The following CACNA1B variants were observed in gnomAD, a reference collection of about 807,000 sequenced individuals.
CACNA1B encodes calcium voltage-gated channel subunit alpha1 B, also known as voltage-dependent N-type calcium channel subunit alpha-1B.
A neutral mutation model predicts 247.2 loss-of-function variants in CACNA1B; 70 were observed. The ratio of observed to expected loss-of-function variants is 0.28; its 90% confidence interval spans 0.23 to 0.35. The LOEUF (loss-of-function observed/expected upper bound fraction) is 0.35. Among genes scored for constraint, CACNA1B ranks in the 10% least tolerant of loss-of-function variants. The pLI, the probability that CACNA1B is intolerant of heterozygous loss-of-function variation, is 1.00. For synonymous variants in CACNA1B, 1,231 were observed against 1,294.4 expected (o/e 0.95, Z 1.05); for missense variants, 2,367 against 3,197.4 (o/e 0.74, Z 6.26).
At chr9:138,015,975 C>T (rs868083619) in intron 18 of CACNA1B, among the ~76,000 whole-genome samples, 1 of 152,012 alleles carries the variant, frequency 6.6e-6, no homozygotes, top group South Asian at 2.1e-4. Context: ...CACAGGCACA[C>T]AGACTCACAT....
At chr9:137,902,352 A>G (rs1410100936) in intron 3 of CACNA1B, among the ~76,000 whole-genome samples, 5 of 152,128 alleles carry the variant, frequency 3.3e-5, no homozygotes, top group Admixed American at 6.5e-5. Flanking sequence ...CCCCTCCCCA[A>G]CACCCCTCCT....
intron 11 of CACNA1B, among the ~76,000 whole-genome samples, chr9:137,972,906 C>T (rs974667195): frequency 6.6e-6 from 1 of 152,336 alleles, no homozygotes; most frequent in East Asian, 1.9e-4. Context: ...CTGACTGACA[C>T]GTCCTGGGGC....
At chr9:138,003,453 G>C (rs1016368057) in intron 15 of CACNA1B, among the ~76,000 whole-genome samples, 1 of 151,414 alleles carries the variant, frequency 6.6e-6, no homozygotes, top group African/African-American at 2.4e-5. Context: ...TGTGTTTGTA[G>C]TGAAAATATC....
At chr9:137,925,855 A>T (rs1297015362) in intron 6 of CACNA1B, among the ~76,000 whole-genome samples, 1 of 142,962 alleles carries the variant, frequency 7.0e-6, no homozygotes, top group East Asian at 2.1e-4. Flanking sequence ...CCATTCTCCT[A>T]CCTCAGCCTC....
At chr9:137,961,055 G>T (rs552832509) in intron 10 of CACNA1B, among the ~76,000 whole-genome samples, 1 of 152,120 alleles carries the variant, frequency 6.6e-6, no homozygotes, top group Admixed American at 6.5e-5. Flanking sequence ...TAATGGGGTT[G>T]TTTGTTCTCT....
In CACNA1B at chr9:138,120,301, G is replaced by C; in HGVS notation, c.6167G>C (p.Cys2056Ser). 6.4e-7 allele frequency: 1 copy of C among 1,562,802 alleles called. No homozygotes were observed. Residue 2056 changes from cysteine to serine, a missense_variant, in exon 45 of 47, where the codon TGC (cysteine) becomes TCC (serine). Physicochemically the swap from Cys to Ser is moderately radical, Grantham distance 112. Coordinates refer to ENST00000371372, the MANE Select transcript of CACNA1B (RefSeq NM_000718.4). ...TCGTCGCACCACCACCACCACCGCT[G>C]CCACCGCCGCAGGGACAGGAAGCAG... ...QASSHHHHHRCHRRRDRKQRS... is the reference protein window; with the variant it reads ...QASSHHHHHRSHRRRDRKQRS...
intron 39 of CACNA1B, among the ~76,000 whole-genome samples, chr9:138,111,758 G>A (rs1332750028): frequency 6.6e-6 from 1 of 151,706 alleles, no homozygotes; most frequent in Non-Finnish European, 1.5e-5. Context: ...CTGCCCCGAG[G>A]CCTCCCTGGC....
At chr9:138,096,375 T>G in intron 36 of CACNA1B, 109 bp from the exon 37 acceptor site, 1 of 868,472 alleles carries the variant, frequency 1.2e-6, no homozygotes, top group East Asian at 2.5e-5. Context: ...CAAATCAGAG[T>G]GACCCCTGCT....
In CACNA1B at chr9:137,917,305, C is replaced by G; in HGVS notation, c.840C>G (p.Asp280Glu). 6.2e-7 allele frequency: 1 copy of G among 1,614,006 alleles called. No individual in the cohort carries two copies. The highest frequency in any genetic ancestry group is 8.5e-7 in the Non-Finnish European group (1 of 1,179,872). The change falls in exon 6 of 47, where the codon GAC becomes GAG. Residue 280 changes from aspartate (D) to glutamate (E), a missense_variant. Asp to Glu is a conservative substitution (Grantham distance 45). Around this residue, in one of 12 missense-constraint regions of CACNA1B, gnomAD observed 130 missense variants for 338.7 expected, o/e 0.38. Coordinates refer to ENST00000371372, the MANE Select transcript of CACNA1B (RefSeq NM_000718.4). This position sits in a 1 kb window ranked among gnomAD's most constrained non-coding sequence, Gnocchi z 5.5. The stretch of plus-strand genomic sequence containing the variant: ...CCCCAGCCCGGCTGTGCGAGGGCGA[C>G]ACTGAGTGCCGGGAGTACTGGCCAG... ...KEAPARLCEG[D>E]TECREYWPGP...
chr9:137,925,890 G>A (rs949794188), intron 6 of CACNA1B, among the ~76,000 whole-genome samples: 7 of 145,828 alleles, frequency 4.8e-5, no homozygotes, highest in African/African-American at 1.5e-4. Context: ...CTACAGGCAC[G>A]CGCCACCATG....
At chr9:137,988,906 G>A (rs1365277316) in intron 15 of CACNA1B, among the ~76,000 whole-genome samples, 1 of 152,188 alleles carries the variant, frequency 6.6e-6, no homozygotes, top group Non-Finnish European at 1.5e-5. Context: ...GGTGAATCTG[G>A]ACCAGGGTCC....
intron 42 of CACNA1B, among the ~76,000 whole-genome samples, chr9:138,116,546 G>A (rs1042750048): frequency 5.3e-5 from 8 of 152,212 alleles, no homozygotes; most frequent in African/African-American, 1.9e-4. Flanking sequence ...GTATGTGCAG[G>A]TGGGAGGAGA....
intron 39 of CACNA1B, among the ~76,000 whole-genome samples, chr9:138,111,010 C>T (rs1961610761): frequency 6.6e-6 from 1 of 151,964 alleles, no homozygotes; most frequent in African/African-American, 2.4e-5. Context: ...AGATTACACT[C>T]CAGTCTACTG....
rs1188890898 is a variant in CACNA1B, at chr9:138,011,711, G to A, written c.2161-1418G>A. 6.6e-5 allele frequency among the ~76,000 whole-genome samples: 10 copies of A among 152,184 alleles called. No homozygotes were observed. The highest frequency in any genetic ancestry group is 5.9e-4 in the Admixed American group (9 of 15,282). ...ACCTGGGTGTGGGTGTTTCACGCTG[G>A]GTCTGGCTTTGCCTCCTCTCTGGGC... On this transcript the variant is annotated intron_variant, in intron 17 of 46. Coordinates refer to ENST00000371372, the MANE Select transcript of CACNA1B (RefSeq NM_000718.4). This position sits in a 1 kb window ranked among gnomAD's most constrained non-coding sequence, Gnocchi z 4.2.
Position 138,058,586 on chromosome 9 carries a change from C to T in CACNA1B, c.4326C>T (p.Phe1442=), listed in dbSNP as rs200086349. The change falls in exon 29 of 47, where the codon TTC becomes TTT. Residue 1442 remains phenylalanine, a synonymous_variant. Coordinates refer to ENST00000371372, the MANE Select transcript of CACNA1B (RefSeq NM_000718.4). The surrounding 1 kb of genome is among the most constrained non-coding windows in gnomAD (Gnocchi z 4.7). Reference sequence around the variant, plus strand: ...CCTTACAGAGGGCTTGCATTGACTTCGCCATCAGCGCCAAACCCCTGACAC... The same window carrying T: ...CCTTACAGAGGGCTTGCATTGACTTTGCCATCAGCGCCAAACCCCTGACAC... ...LEKNERACID[F]AISAKPLTRY... is the part of the protein sequence containing the mutation. 100 of 1,611,112 alleles carry T rather than the reference C, an allele frequency of 6.2e-5. 1 individual carries two copies. In the Middle Eastern group the frequency reaches 1.2e-3, roughly 19 times the overall value.
intron 20 of CACNA1B, 107 bp from the exon 21 acceptor site, chr9:138,043,667 G>A (rs1286695688): frequency 7.7e-7 from 1 of 1,302,258 alleles, no homozygotes; most frequent in Non-Finnish European, 1.1e-6. Context: ...TGGTGGGCCT[G>A]TGAGGACCTG....
Position 138,093,765 on chromosome 9 carries a change from A to ATT in CACNA1B, c.5095-2719_5095-2718insTT, listed in dbSNP as rs528361970. Among the ~76,000 whole-genome samples the ATT allele has an allele frequency of 2.4e-4, 36 of 152,230 alleles. No individual in the cohort carries two copies. In the East Asian group the frequency reaches 6.0e-3, roughly 25 times the overall value. On this transcript the variant is annotated intron_variant, in intron 36 of 46. Transcript: ENST00000371372. Reference sequence around the variant, plus strand: ...AAAAAAAAAACTAATAAATTAATTAAATTAATTAATAAATATTGGCAAAAA... The same window carrying ATT: ...AAAAAAAAAACTAATAAATTAATTAATTATTAATTAATAAATATTGGCAAAAA...
intron 10 of CACNA1B, among the ~76,000 whole-genome samples, chr9:137,967,157 C>T (rs1009373515): frequency 1.3e-5 from 2 of 152,144 alleles, no homozygotes; most frequent in African/African-American, 4.8e-5. Flanking sequence ...TTCTGTTCCA[C>T]AAAAGGTTGC....
intron 18 of CACNA1B, among the ~76,000 whole-genome samples, chr9:138,016,299 G>A (rs939940885): frequency 4.6e-5 from 7 of 152,242 alleles, no homozygotes; most frequent in Non-Finnish European, 8.8e-5. Flanking sequence ...TGAGAAGGAG[G>A]GGCTGCAGCC....
Sources: gnomAD v4.1 joint callset for allele counts (sites outside exome capture counted in the v4.1 genomes callset) on GRCh38, gnomAD v4.1.1 for gene constraint, gnomAD v4.1.1 regional missense constraint, Gnocchi (gnomAD v3.1) non-coding constraint, MANE v1.5 for transcripts, NCBI Gene and HGNC (gene_info 2026-07-23, HGNC 2026-07-21) for gene names.